Variants in OPRPN observed in about 807,000 individuals in gnomAD.
OPRPN encodes basic proline-rich lacrimal protein.
Under a neutral mutation model 2.2 loss-of-function variants are expected in OPRPN, and 1 was observed. That is an observed-to-expected ratio of 0.45 (90% CI 0.16 to 2.15). The LOEUF (loss-of-function observed/expected upper bound fraction) is 2.15, where lower values mean the gene tolerates loss of function less well. Among genes scored for constraint, OPRPN ranks in the 30% most tolerant of loss-of-function variants. The pLI is 0.28. For missense variants in OPRPN, 306 were observed against 297.3 expected (o/e 1.03, Z -0.21); for synonymous variants, 126 against 111.5 (o/e 1.13, Z -0.82).
intron 2 of OPRPN, among the ~76,000 whole-genome samples, chr4:70,400,950 G>A (rs2109768553): frequency 1.3e-5 from 2 of 152,052 alleles, no homozygotes; most frequent in South Asian, 2.1e-4. Flanking sequence ...AGAGGTTGTT[G>A]ACTAGAATAC....
intron 2 of OPRPN, among the ~76,000 whole-genome samples, chr4:70,407,427 T>C (rs990105990): frequency 2.0e-5 from 3 of 152,238 alleles, no homozygotes; most frequent in African/African-American, 7.2e-5. Flanking sequence ...ATATAAAATA[T>C]ACAGAGGAAT....
Position 70,409,896 on chromosome 4 carries a change from A to C in OPRPN, c.568A>C (p.Thr190Pro). ...VPISSTPEPA[T>P]SISAATPAAS... Reference sequence around the variant, plus strand: ...TATCTCTTCAACACCAGAGCCTGCCACCTCCATATCAGCAGCAACCCCCGC... The same window carrying C: ...TATCTCTTCAACACCAGAGCCTGCCCCCTCCATATCAGCAGCAACCCCCGC... Residue 190 changes from threonine to proline, a missense_variant, in exon 3 of 3, where the codon ACC becomes CCC. Physicochemically the swap from Thr to Pro is conservative, Grantham distance 38. Coordinates refer to ENST00000399575, the MANE Select transcript of OPRPN (RefSeq NM_021225.5). The C allele has an allele frequency of 2.5e-6, 4 of 1,613,874 alleles. No individual in the cohort carries two copies. Among genetic ancestry groups the C allele is most frequent in the Non-Finnish European group, 3.4e-6 (4 of 1,179,940 alleles).
At chr4:70,402,732 T>C (rs905999330) in intron 2 of OPRPN, among the ~76,000 whole-genome samples, 2 of 151,842 alleles carry the variant, frequency 1.3e-5, no homozygotes, top group Admixed American at 6.6e-5. Flanking sequence ...CAGTGGAAAA[T>C]GGCATTTGAT....
intron 1 of OPRPN, among the ~76,000 whole-genome samples, chr4:70,398,890 G>A (rs973228614): frequency 1.3e-5 from 2 of 151,728 alleles, no homozygotes; most frequent in Non-Finnish European, 2.9e-5. Context: ...CAAATCTATA[G>A]AAATCTGTAA....
chr4:70,401,885 C>T (rs1425662265), intron 2 of OPRPN, among the ~76,000 whole-genome samples: 4 of 152,088 alleles, frequency 2.6e-5, no homozygotes, highest in South Asian at 2.1e-4. Context: ...GTTTGCAGCA[C>T]AATCTGTCCA....
intron 2 of OPRPN, among the ~76,000 whole-genome samples, chr4:70,408,987 T>A (rs1305467326): frequency 1.3e-5 from 2 of 152,216 alleles, no homozygotes; most frequent in Non-Finnish European, 2.9e-5. Flanking sequence ...ATTCTTAGAA[T>A]GAAGTAAGAA....
intron 2 of OPRPN, among the ~76,000 whole-genome samples, chr4:70,407,907 A>G (rs987199520): frequency 6.6e-6 from 1 of 152,182 alleles, no homozygotes; most frequent in Admixed American, 6.5e-5. Flanking sequence ...CTCACGTATC[A>G]TGGCCTAAAT....
At chr4:70,405,840 G>A (rs1055205372) in intron 2 of OPRPN, among the ~76,000 whole-genome samples, 2 of 152,020 alleles carry the variant, frequency 1.3e-5, no homozygotes, top group South Asian at 2.1e-4. Context: ...AAGGCAGGTG[G>A]ATTGCTTAAG....
chr4:70,399,327 A>G lies in OPRPN; in HGVS notation c.42A>G (p.Ser14=). ...TFFLGLLALI[S]CFTPSESQRF... ...TCTTGGGCCTGTTGGCTCTTATTTC[A>G]TGTTTCACAGTAAGTTCCCTCAATT... is the stretch of plus-strand genomic sequence containing the variant. Residue 14 remains serine, a synonymous_variant, in exon 2 of 3, where the codon TCA becomes TCG. Coordinates refer to ENST00000399575, the MANE Select transcript of OPRPN (RefSeq NM_021225.5). 6.3e-7 allele frequency: 1 copy of G among 1,595,468 alleles called. No homozygotes were observed. Among genetic ancestry groups the G allele is most frequent in the Non-Finnish European group, 8.6e-7 (1 of 1,164,898 alleles).
intron 2 of OPRPN, among the ~76,000 whole-genome samples, chr4:70,405,682 CT>C (rs1437769542): frequency 2.6e-5 from 4 of 152,132 alleles, no homozygotes; most frequent in African/African-American, 9.7e-5. Context: ...TTTTTTTCCT[CT>C]TGACACCTAT....
In OPRPN at chr4:70,410,052, A is replaced by C. The variant is rs200979624; in HGVS notation, c.724A>C (p.Lys242Gln). 289 of 1,557,450 alleles carry C rather than the reference A, an allele frequency of 1.9e-4. No homozygotes were observed. Among genetic ancestry groups the C allele is most frequent in the Non-Finnish European group, 2.5e-4 (286 of 1,154,072 alleles). The change falls in exon 3 of 3, where the codon AAA becomes CAA. Residue 242 changes from lysine to glutamine, a missense_variant. By Grantham distance (53) the Lys-to-Gln change is moderately conservative (BLOSUM62 1). Coordinates refer to ENST00000399575, the MANE Select transcript of OPRPN (RefSeq NM_021225.5). ...SSPAFKSFWQ[K>Q]LFAIFG ...CCCAGCCTTTAAAAGTTTTTGGCAA[A>C]AACTCTTTGCCATTTTTGGTTGAAC... is the stretch of plus-strand genomic sequence containing the variant.
chr4:70,400,409 C>T (rs1280310708), intron 2 of OPRPN, among the ~76,000 whole-genome samples: 4 of 151,868 alleles, frequency 2.6e-5, no homozygotes, highest in South Asian at 2.1e-4. Flanking sequence ...GCATATAGTG[C>T]TATGTAATAA....
chr4:70,405,285 G>A (rs1230646889), intron 2 of OPRPN, among the ~76,000 whole-genome samples: 1 of 152,154 alleles, frequency 6.6e-6, no homozygotes, highest in African/African-American at 2.4e-5. Context: ...GTGAAAAATT[G>A]TATTAAGAGA....
At chr4:70,401,683 TTCAGAG>T (rs1236558624) in intron 2 of OPRPN, among the ~76,000 whole-genome samples, 1 of 152,082 alleles carries the variant, frequency 6.6e-6, no homozygotes, top group Admixed American at 6.6e-5. Flanking sequence ...ACAAATAGGT[TTCAGAG>T]TCTTACCTGT....
At position 70,409,462 on chromosome 4, in the gene OPRPN, T is replaced by C. The variant is rs567258476; in HGVS notation, c.134T>C (p.Val45Ala). Residue 45 changes from valine (V) to alanine (A), a missense_variant, in exon 3 of 3, where the codon GTT becomes GCT. Physicochemically the swap from Val to Ala is moderately conservative, Grantham distance 64. Transcript: ENST00000399575. ...CCTCCACTCTACAGGCCAAGATGGG[T>C]TCCACCAAGTCCCCCACCTCCCTAT... ...PPPPLYRPRW[V>A]PPSPPPPYDS... is the part of the protein sequence containing the mutation. The C allele has an allele frequency of 2.4e-5, 38 of 1,613,722 alleles. No individual in the cohort carries two copies. Among genetic ancestry groups the C allele is most frequent in the Non-Finnish European group, 3.1e-5 (37 of 1,179,926 alleles).
At chr4:70,403,311 A>C (rs1733019680) in intron 2 of OPRPN, among the ~76,000 whole-genome samples, 1 of 152,188 alleles carries the variant, frequency 6.6e-6, no homozygotes, top group African/African-American at 2.4e-5. Context: ...TAAGTGGTCA[A>C]CTTGGCTGAG....
chr4:70,400,058 T>C (rs1046650754), intron 2 of OPRPN, among the ~76,000 whole-genome samples: 6 of 151,940 alleles, frequency 3.9e-5, no homozygotes, highest in African/African-American at 1.4e-4. Flanking sequence ...AAAAACATCA[T>C]AGCATGATAC....
chr4:70,406,554 A>C (rs906112295), intron 2 of OPRPN, among the ~76,000 whole-genome samples: 1 of 152,180 alleles, frequency 6.6e-6, no homozygotes, highest in Non-Finnish European at 1.5e-5. Context: ...AAGCCACTTA[A>C]ACATTTTGAA....
chr4:70,408,314 A>ATATT (rs1733135693), intron 2 of OPRPN, among the ~76,000 whole-genome samples: 1 of 152,082 alleles, frequency 6.6e-6, no homozygotes, highest in Non-Finnish European at 1.5e-5. Context: ...AATAGAACCT[A>ATATT]TATTTTCTTG....
Sources: gnomAD v4.1 joint callset for allele counts (sites outside exome capture counted in the v4.1 genomes callset) on GRCh38, gnomAD v4.1.1 for gene constraint, MANE v1.5 for transcripts, NCBI Gene and HGNC (gene_info 2026-07-23, HGNC 2026-07-21) for gene names.